Variants in DSCAM observed in about 807,000 individuals in gnomAD.
DSCAM encodes the protein DS cell adhesion molecule.
In DSCAM, 47 loss-of-function variants were observed where a neutral mutation model predicts 217.7. The ratio of observed to expected loss-of-function variants is 0.22; its 90% CI spans 0.17 to 0.28. The LOEUF is 0.28. Ranked by LOEUF, DSCAM falls within the 10% of genes least tolerant of loss-of-function variation. The probability of loss-of-function intolerance (pLI) is 1.00; values close to 1 mark genes in which losing one functional copy is unlikely to be tolerated. For synonymous variants in DSCAM, 1,056 were observed against 1,015.3 expected, an observed-to-expected ratio of 1.04 and a Z score of -0.76; for missense variants, 2,080 against 2,618.3, an observed-to-expected ratio of 0.79 and a Z score of 4.49.
chr21:40,516,595 G>A (rs914323303), intron 3 of DSCAM, among the ~76,000 whole-genome samples: 4 of 152,064 alleles, frequency 2.6e-5, no homozygotes, highest in Non-Finnish European at 5.9e-5. Flanking sequence ...AGGCAGTGGC[G>A]GCCAATGTAC....
intron 3 of DSCAM, among the ~76,000 whole-genome samples, chr21:40,400,464 G>T (rs2075223202): frequency 6.6e-6 from 1 of 152,142 alleles, no homozygotes; most frequent in African/African-American, 2.4e-5. Flanking sequence ...TGTTTTAATA[G>T]TCTTTGTAAG....
rs7278518 is a variant in DSCAM at position 40,482,158 on chromosome 21, T to C, written c.509-112913A>G. 7.3e-3 allele frequency among the ~76,000 whole-genome samples: 1,115 copies of C among 152,354 alleles called. 12 individuals carry two copies. Among genetic ancestry groups the C allele is most frequent in the African/African-American group, 0.025 (1,058 of 41,584 alleles). On this transcript the variant is annotated intron_variant, in intron 3 of 32. Coordinates refer to ENST00000400454, the MANE Select transcript of DSCAM (RefSeq NM_001389.5). ...CACCTTTTTTGTGGCCATCCTTGCA[T>C]AGAAATGAAGACCATTTCCAGTCTT...
At chr21:40,309,384 T>C (rs1200964951) in intron 9 of DSCAM, among the ~76,000 whole-genome samples, 1 of 152,178 alleles carries the variant, frequency 6.6e-6, no homozygotes, top group Non-Finnish European at 1.5e-5. Flanking sequence ...CAATACTGTT[T>C]AATATTCTCT....
In DSCAM at chr21:40,739,367, T is replaced by C. The variant is rs570535048; in HGVS notation, c.44-30596A>G. Among the ~76,000 whole-genome samples the C allele has an allele frequency of 4.6e-5, 7 of 152,314 alleles. No individual in the cohort carries two copies. In the South Asian group the frequency reaches 1.0e-3, roughly 23 times the overall value. On this transcript the variant is annotated intron_variant, in intron 1 of 32. Transcript: ENST00000400454. ...GATGTATTCTTTGACAACAACTTTCTTGTTGCTGGGGCTGCCATAACAAAG... is the reference window on the plus strand; with the variant it reads ...GATGTATTCTTTGACAACAACTTTCCTGTTGCTGGGGCTGCCATAACAAAG...
chr21:40,637,467 AT>A (rs1381770572), intron 3 of DSCAM, among the ~76,000 whole-genome samples: 1 of 53,650 alleles, frequency 1.9e-5, no homozygotes, highest in African/African-American at 7.8e-5. Context: ...ACAAATATAT[AT>A]AAATATATAT....
chr21:40,501,844 T>A (rs1214483962), intron 3 of DSCAM, among the ~76,000 whole-genome samples: 1 of 152,214 alleles, frequency 6.6e-6, no homozygotes, highest in Non-Finnish European at 1.5e-5. Context: ...CACCCCCACC[T>A]TGGCCTCCCA....
At chr21:40,135,143 C>T (rs915246517) in intron 18 of DSCAM, among the ~76,000 whole-genome samples, 8 of 152,202 alleles carry the variant, frequency 5.3e-5, no homozygotes, top group Non-Finnish European at 1.5e-5. Flanking sequence ...GAACTGTTCC[C>T]CTAGGGGAAG....
chr21:40,600,212 A>G (rs533999874), intron 3 of DSCAM, among the ~76,000 whole-genome samples: 7 of 152,340 alleles, frequency 4.6e-5, no homozygotes, highest in African/African-American at 1.2e-4. Context: ...TTGGGTTGCT[A>G]TAAGAAAATA....
chr21:40,787,996 C>T (rs959543716), intron 1 of DSCAM, among the ~76,000 whole-genome samples: 4 of 152,100 alleles, frequency 2.6e-5, no homozygotes, highest in African/African-American at 4.8e-5. Context: ...TCAAAGTTTG[C>T]CCCAGGTTAA....
intron 27 of DSCAM, among the ~76,000 whole-genome samples, chr21:40,065,503 C>T (rs950980699): frequency 6.6e-6 from 1 of 152,110 alleles, no homozygotes; most frequent in Non-Finnish European, 1.5e-5. Flanking sequence ...TTCAGATTGG[C>T]CACCTAATGA....
intron 3 of DSCAM, among the ~76,000 whole-genome samples, chr21:40,490,687 G>A (rs1183576536): frequency 2.0e-5 from 3 of 152,198 alleles, no homozygotes; most frequent in African/African-American, 4.8e-5. Context: ...TTGGTAGGAT[G>A]AGGACCAATT....
intron 3 of DSCAM, among the ~76,000 whole-genome samples, chr21:40,405,293 T>C (rs1447393946): frequency 6.6e-6 from 1 of 152,240 alleles, no homozygotes; most frequent in Non-Finnish European, 1.5e-5. Flanking sequence ...CTCTGAGACC[T>C]TGTGTATATA....
At chr21:40,147,025 A>C (rs2090365347) in intron 16 of DSCAM, among the ~76,000 whole-genome samples, 1 of 152,190 alleles carries the variant, frequency 6.6e-6, no homozygotes, top group Admixed American at 6.5e-5. Context: ...TATTTTACCT[A>C]GTGTTTTAAT....
chr21:40,172,536 A>AGGCTG (rs2090670679), intron 15 of DSCAM, among the ~76,000 whole-genome samples: 1 of 152,152 alleles, frequency 6.6e-6, no homozygotes, highest in African/African-American at 2.4e-5. Flanking sequence ...CCCCAGCTGG[A>AGGCTG]CAACCTCCCA....
chr21:40,312,003 A>C (rs1022285863), intron 9 of DSCAM, 78 bp downstream of exon 9: 128 of 1,118,446 alleles, frequency 1.1e-4, no homozygotes, highest in Non-Finnish European at 1.4e-4. Context: ...TATTTTCGAA[A>C]TATTTCAAGC....
chr21:40,141,064 A>C (rs889740662), intron 18 of DSCAM, among the ~76,000 whole-genome samples: 2 of 152,176 alleles, frequency 1.3e-5, no homozygotes, highest in Admixed American at 1.3e-4. Flanking sequence ...GGACATGCAG[A>C]GCTAAGGCTC....
intron 3 of DSCAM, among the ~76,000 whole-genome samples, chr21:40,656,681 C>G (rs2090080578): frequency 6.6e-6 from 1 of 152,190 alleles, no homozygotes; most frequent in Non-Finnish European, 1.5e-5. Context: ...AATGTCTCTT[C>G]CTCGCTGTCT....
intron 3 of DSCAM, among the ~76,000 whole-genome samples, chr21:40,464,020 AG>A (rs139568973): frequency 0.046 from 7,026 of 152,192 alleles, 259 homozygotes; most frequent in East Asian, 0.12. Flanking sequence ...AACATCAACT[AG>A]AGATTCTCCA....
rs375725903 is a variant in DSCAM at position 40,017,150 on chromosome 21, A to G, written c.5687-3764T>C. Among the ~76,000 whole-genome samples the G allele has an allele frequency of 3.3e-5, 5 of 152,184 alleles. No homozygotes were observed. The East Asian group carries it at 9.6e-4, about 29-fold the overall frequency. ...AAGAGAACTAAAAATAAATATGGCC[A>G]AATCAAGCCCTAAAAATGCATTTTA... On this transcript the variant is annotated intron_variant, in intron 32 of 32. Coordinates refer to ENST00000400454, the MANE Select transcript of DSCAM (RefSeq NM_001389.5).
Sources: gnomAD v4.1 joint callset for allele counts (sites outside exome capture counted in the v4.1 genomes callset) on GRCh38, gnomAD v4.1.1 for gene constraint, MANE v1.5 for transcripts, NCBI Gene and HGNC (gene_info 2026-07-23, HGNC 2026-07-21) for gene names.